XXYLT1: variants seen among roughly 807,000 people sequenced by gnomAD.
XXYLT1 encodes xyloside xylosyltransferase 1, also known as UDP-xylose:alpha-xyloside alpha-1,3-xylosyltransferase.
XXYLT1 carries 20 observed loss-of-function variants against 28.9 expected under a neutral mutation model. The observed-to-expected ratio is 0.69, with a 90% CI of 0.49 to 1.00. The LOEUF (loss-of-function observed/expected upper bound fraction) is 1.00, where lower values mean the gene tolerates loss of function less well. Among genes scored for constraint, XXYLT1 ranks in the 50% least tolerant of loss-of-function variants. The probability of loss-of-function intolerance (pLI) is 0.00; values close to 1 mark genes in which losing one functional copy is unlikely to be tolerated. For missense variants in XXYLT1, 542 were observed against 560.1 expected (o/e 0.97, Z 0.33); for synonymous variants, 257 against 253.8 (o/e 1.01, Z -0.12).
intron 3 of XXYLT1, among the ~76,000 whole-genome samples, chr3:195,154,434 T>C (rs533981004): frequency 6.6e-6 from 1 of 151,514 alleles, no homozygotes; most frequent in South Asian, 2.1e-4. Flanking sequence ...AAACAAACCA[T>C]CTGGTAAAGA....
At chr3:195,114,937 C>T (rs1268162134) in intron 3 of XXYLT1, among the ~76,000 whole-genome samples, 2 of 152,220 alleles carry the variant, frequency 1.3e-5, no homozygotes, top group Non-Finnish European at 2.9e-5. Context: ...CGGGGTCGGC[C>T]TGGGCGCAGT....
In XXYLT1 at chr3:195,270,828, G is replaced by T; in HGVS notation, c.231C>A (p.Ser77=). Residue 77 remains serine, a synonymous_variant, in exon 1 of 4, where the codon TCC becomes TCA. Coordinates refer to ENST00000310380, the MANE Select transcript of XXYLT1 (RefSeq NM_152531.5). ...CCTTCGCGCCGGGGGCTGGCGCCAC[G>T]GAGCCCCGCGCTAGCTCCAGCGCGG... is the stretch of plus-strand genomic sequence containing the variant. ...SPPALELARG[S]VAPAPGAKAK... is the part of the protein sequence containing the mutation. The T allele has an allele frequency of 1.4e-6, 2 of 1,472,908 alleles. No homozygotes were observed. The highest frequency in any genetic ancestry group is 1.5e-5 in the African/African-American group (1 of 68,748). The allele number at this position is 1,472,908 out of a possible 1,614,324, so 91.2% of individuals were successfully genotyped here.
chr3:195,122,295 T>A, intron 3 of XXYLT1: 1 of 644,278 alleles, frequency 1.6e-6, no homozygotes, highest in South Asian at 1.8e-5. Context: ...ATTCAGTCCA[T>A]TGCACCCCTC....
chr3:195,114,215 A>C lies in XXYLT1; in HGVS notation c.785+42234T>G, dbSNP rs534291719. 1.1e-4 allele frequency among the ~76,000 whole-genome samples: 16 copies of C among 152,198 alleles called. No homozygotes were observed. The East Asian group carries it at 2.9e-3, about 28-fold the overall frequency. The stretch of plus-strand genomic sequence containing the variant: ...TGCCCCAGTCCACACGCTTCCAGGG[A>C]AAGCTGCATTGGGTGGCCCCCTTCT... On this transcript the variant is annotated intron_variant, in intron 3 of 3. Transcript: ENST00000310380.
chr3:195,174,750 C>G (rs1416816199), intron 2 of XXYLT1, among the ~76,000 whole-genome samples: 2 of 147,046 alleles, frequency 1.4e-5, no homozygotes, highest in Admixed American at 7.0e-5. Context: ...TTGGCTGCCT[C>G]CTCCTCGTCC....
At chr3:195,181,284 TGGCTGCGG>T (rs971795031) in intron 2 of XXYLT1, among the ~76,000 whole-genome samples, 13 of 150,072 alleles carry the variant, frequency 8.7e-5, no homozygotes, top group South Asian at 4.1e-4. Context: ...CGTGGCTGCG[TGGCTGCGG>T]GGCTGCGGGG....
intron 2 of XXYLT1, among the ~76,000 whole-genome samples, chr3:195,196,881 A>G (rs58704154): frequency 1.3e-5 from 2 of 151,596 alleles, no homozygotes; most frequent in African/African-American, 4.9e-5. Flanking sequence ...AAAAAAAAAA[A>G]AGTAGCACAT....
intron 2 of XXYLT1, among the ~76,000 whole-genome samples, chr3:195,205,871 C>T (rs1036650433): frequency 6.6e-6 from 1 of 151,558 alleles, no homozygotes; most frequent in Admixed American, 6.6e-5. Context: ...TCAAAACTAA[C>T]AGACAACAAC....
rs1718809736 is a variant in XXYLT1, at chr3:195,129,758, A to C, written c.785+26691T>G. Among the ~76,000 whole-genome samples, 1 of 151,672 alleles carries C rather than the reference A, an allele frequency of 6.6e-6. No homozygotes were observed. Among genetic ancestry groups the C allele is most frequent in the Non-Finnish European group, 1.5e-5 (1 of 67,924 alleles). ...TGATTTCCACCGTTTGGCTATTATG[A>C]CTCATGCTGATACGAACGTCCATTT... On this transcript the variant is annotated intron_variant, in intron 3 of 3. Transcript: ENST00000310380. The surrounding 1 kb of genome is among the most constrained non-coding windows in gnomAD (Gnocchi z 4.4).
chr3:195,185,594 C>G (rs1722164159), intron 2 of XXYLT1, among the ~76,000 whole-genome samples: 1 of 150,714 alleles, frequency 6.6e-6, no homozygotes, highest in Admixed American at 6.6e-5. Context: ...TAAAAATCAG[C>G]CTTCTGACTT....
At chr3:195,125,164 G>A (rs1418391924) in intron 3 of XXYLT1, among the ~76,000 whole-genome samples, 2 of 152,272 alleles carry the variant, frequency 1.3e-5, no homozygotes, top group African/African-American at 4.8e-5. Flanking sequence ...TGGCAAGGAA[G>A]ACAGTGACGT....
rs376401002 is a variant in XXYLT1, at chr3:195,228,356, C to G, written c.505-1500G>C. Among the ~76,000 whole-genome samples the G allele has an allele frequency of 4.3e-3, 657 of 152,290 alleles. 6 individuals carry two copies. Among genetic ancestry groups the G allele is most frequent in the African/African-American group, 0.014 (598 of 41,560 alleles). ...TCCATCACTCACCTTTCCCCTTTCC[C>G]TCCACCTGCCCTTCCAGTCTCAGGG... On this transcript the variant is annotated intron_variant, in intron 1 of 3. Coordinates refer to ENST00000310380, the MANE Select transcript of XXYLT1 (RefSeq NM_152531.5).
intron 3 of XXYLT1, among the ~76,000 whole-genome samples, chr3:195,145,023 A>G (rs1719757955): frequency 6.9e-6 from 1 of 145,000 alleles, no homozygotes; most frequent in Admixed American, 6.7e-5. Context: ...GCTGAATACC[A>G]ATGAGCTGCA....
At chr3:195,145,652 G>T (rs552860129) in intron 3 of XXYLT1, among the ~76,000 whole-genome samples, 3 of 145,780 alleles carry the variant, frequency 2.1e-5, no homozygotes, top group South Asian at 2.1e-4. Flanking sequence ...CGGCACTGAT[G>T]GGGCCCTGCG....
At chr3:195,071,175 C>T (rs1714783785) in intron 3 of XXYLT1, among the ~76,000 whole-genome samples, 1 of 152,138 alleles carries the variant, frequency 6.6e-6, no homozygotes, top group Non-Finnish European at 1.5e-5. Context: ...GGAAGGAGGA[C>T]CATCAGGAGG....
Position 195,156,483 on chromosome 3 carries a change from T to C in XXYLT1, c.751A>G (p.Ile251Val). The change falls in exon 3 of 4, where the codon ATC (isoleucine) becomes GTC (valine). Residue 251 changes from isoleucine to valine, a missense_variant. By Grantham distance (29) the Ile-to-Val change is conservative. Transcript: ENST00000310380. ...EFDSFLPGAIIGIAREMQPVY... is the reference protein window; with the variant it reads ...EFDSFLPGAIVGIAREMQPVY... ...GGCTGCATCTCCCGGGCTATGCCGA[T>C]GATGGCGCCTGGCAGGAAACTGTCA... 1.2e-6 allele frequency: 2 copies of C among 1,614,224 alleles called. No individual in the cohort carries two copies. The highest frequency in any genetic ancestry group is 8.5e-7 in the Non-Finnish European group (1 of 1,180,048).
rs1241487401 is a variant in XXYLT1 at position 195,256,822 on chromosome 3, C to T, written c.504+13733G>A. On this transcript the variant is annotated intron_variant, in intron 1 of 3. Transcript: ENST00000310380. This position sits in a 1 kb window ranked among gnomAD's most constrained non-coding sequence, Gnocchi z 4.2. ...TCCACCACACTCCAGCTGAAGTGAG[C>T]GCCCAGGGGCAGGTGCAGGCTGAAG... 3.3e-5 allele frequency among the ~76,000 whole-genome samples: 5 copies of T among 152,176 alleles called. No individual in the cohort carries two copies. Among genetic ancestry groups the T allele is most frequent in the African/African-American group, 7.2e-5 (3 of 41,440 alleles).
At chr3:195,135,364 G>T (rs373097909) in intron 3 of XXYLT1, among the ~76,000 whole-genome samples, 11 of 152,318 alleles carry the variant, frequency 7.2e-5, no homozygotes, top group African/African-American at 2.6e-4. Context: ...GACTGGACCC[G>T]AGGCACCTGA....
In XXYLT1 at chr3:195,116,219, G is replaced by GAC. The variant is rs556885209; in HGVS notation, c.785+40228_785+40229dup. Among the ~76,000 whole-genome samples the GAC allele has an allele frequency of 2.3e-3, 357 of 152,272 alleles. 2 individuals carry two copies. Among genetic ancestry groups the GAC allele is most frequent in the African/African-American group, 8.4e-3 (349 of 41,540 alleles). ...GAATCTGCACCATGCTGGATCTACT[G>GAC]ACACATCTAAAACATTCTCAACTGC... On this transcript the variant is annotated intron_variant, in intron 3 of 3. Coordinates refer to ENST00000310380, the MANE Select transcript of XXYLT1 (RefSeq NM_152531.5).
Sources: gnomAD v4.1 joint callset for allele counts (sites outside exome capture counted in the v4.1 genomes callset) on GRCh38, gnomAD v4.1.1 for gene constraint, Gnocchi (gnomAD v3.1) non-coding constraint, MANE v1.5 for transcripts, NCBI Gene and HGNC (gene_info 2026-07-23, HGNC 2026-07-21) for gene names.